Variants in AKAP7 observed in about 807,000 individuals in gnomAD.
AKAP7 encodes the protein A kinase (PRKA) anchor protein 7.
A neutral mutation model predicts 39.5 loss-of-function variants in AKAP7; 39 were observed. That is an observed-to-expected ratio of 0.99 (90% CI 0.76 to 1.29). The LOEUF (loss-of-function observed/expected upper bound fraction) is 1.29. Ranked by LOEUF, AKAP7 falls within the 50% of genes most tolerant of loss-of-function variation. The probability of loss-of-function intolerance (pLI) is 0.00; values close to 1 mark genes in which losing one functional copy is unlikely to be tolerated. For synonymous variants in AKAP7, 140 were observed against 139.1 expected (o/e 1.01, Z -0.05); for missense variants, 414 against 407.7 (o/e 1.02, Z -0.13).
At chr6:131,161,548 G>A (rs1305791817) in intron 3 of AKAP7, among the ~76,000 whole-genome samples, 1 of 150,032 alleles carries the variant, frequency 6.7e-6, no homozygotes, top group Non-Finnish European at 1.5e-5. Context: ...GGGAGGCTGA[G>A]GTGGGAGGAT....
At position 131,169,010 on chromosome 6, in the gene AKAP7, A is replaced by G. The variant is rs912408317; in HGVS notation, c.429-103A>G. 5.4e-5 allele frequency: 56 copies of G among 1,038,376 alleles called. No homozygotes were observed. The East Asian group carries it at 1.1e-3, about 21-fold the overall frequency. The allele number at this position is 1,038,376 out of a possible 1,614,324, so 64.3% of individuals were successfully genotyped here. A position where few individuals can be genotyped will look rare whatever the true frequency, so the allele number is the denominator to read the frequency against. On this transcript the variant is annotated intron_variant, in intron 4 of 7. Transcript: ENST00000431975. ...TTTGAGCCTTAAAATAATTAGTACA[A>G]ATATCAAAATTCATCTTTCTAAAAC...
intron 5 of AKAP7, among the ~76,000 whole-genome samples, chr6:131,171,155 A>G (rs1739321806): frequency 6.6e-6 from 1 of 152,156 alleles, no homozygotes; most frequent in African/African-American, 2.4e-5. Flanking sequence ...AGTACTTGGG[A>G]TAGAAAACTG....
chr6:131,232,460 AT>A (rs1810701679), intron 7 of AKAP7, among the ~76,000 whole-genome samples: 1 of 152,130 alleles, frequency 6.6e-6, no homozygotes, highest in African/African-American at 2.4e-5. Context: ...CTCTGAACAC[AT>A]TTTTCACCAC....
intron 5 of AKAP7, among the ~76,000 whole-genome samples, chr6:131,173,406 A>G (rs556391927): frequency 8.5e-5 from 13 of 152,214 alleles, no homozygotes; most frequent in African/African-American, 2.9e-4. Flanking sequence ...CTTTTTGTGC[A>G]CTTACCTCAT....
At chr6:131,190,868 C>T (rs991852162) in intron 5 of AKAP7, among the ~76,000 whole-genome samples, 2 of 151,972 alleles carry the variant, frequency 1.3e-5, no homozygotes, top group African/African-American at 2.4e-5. Context: ...ATTGGGAAGT[C>T]CTTCTTCTTC....
intron 5 of AKAP7, among the ~76,000 whole-genome samples, chr6:131,187,956 A>T (rs1209159): frequency 6.6e-6 from 1 of 151,998 alleles, no homozygotes; most frequent in Non-Finnish European, 1.5e-5. Flanking sequence ...CACTTTTACT[A>T]TCAGTGTTAA....
intron 3 of AKAP7, 70 bp from the exon 4 acceptor site, chr6:131,165,011 A>G: frequency 7.9e-7 from 1 of 1,271,762 alleles, no homozygotes; most frequent in South Asian, 1.7e-5. Context: ...TTGATTTTAC[A>G]TTTTACCATA....
At chr6:131,148,292 TCTAGA>T (rs1379115880) in intron 2 of AKAP7, among the ~76,000 whole-genome samples, 2 of 152,234 alleles carry the variant, frequency 1.3e-5, no homozygotes, top group Non-Finnish European at 2.9e-5. Flanking sequence ...TGTGGGTTAG[TCTAGA>T]CTGCAAACCA....
At chr6:131,268,154 A>G (rs73633699) in intron 7 of AKAP7, among the ~76,000 whole-genome samples, 5,322 of 152,286 alleles carry the variant, frequency 0.035, 296 homozygotes, top group African/African-American at 0.12. Context: ...CTAATTAACC[A>G]ATCATTAATT....
At chr6:131,234,204 A>G (rs1256996679) in intron 7 of AKAP7, among the ~76,000 whole-genome samples, 1 of 152,162 alleles carries the variant, frequency 6.6e-6, no homozygotes, top group African/African-American at 2.4e-5. Flanking sequence ...TTATTTGTGC[A>G]ACTTATTGAA....
chr6:131,184,452 T>C (rs1023571594), intron 5 of AKAP7: 24 of 660,706 alleles, frequency 3.6e-5, no homozygotes, highest in Non-Finnish European at 5.7e-5. Flanking sequence ...TTCGTAGCCA[T>C]GATCGCAGCA....
chr6:131,183,493 A>G (rs1452487044), intron 5 of AKAP7, among the ~76,000 whole-genome samples: 2 of 152,196 alleles, frequency 1.3e-5, no homozygotes, highest in Non-Finnish European at 2.9e-5. Context: ...TGTTAAAAAA[A>G]CAGGCACATT....
chr6:131,217,729 A>G (rs923074828), intron 6 of AKAP7, among the ~76,000 whole-genome samples: 19 of 152,258 alleles, frequency 1.2e-4, no homozygotes, highest in African/African-American at 4.6e-4. Flanking sequence ...ATTAGAGTCA[A>G]TCTCATGTTT....
chr6:131,189,575 T>C (rs566173255), intron 5 of AKAP7, among the ~76,000 whole-genome samples: 2 of 152,326 alleles, frequency 1.3e-5, no homozygotes, highest in East Asian at 3.9e-4. Flanking sequence ...ACAACTTCTT[T>C]GCATTTTAAG....
At chr6:131,141,404 G>C (rs1023554965) in intron 1 of AKAP7, among the ~76,000 whole-genome samples, 1 of 152,174 alleles carries the variant, frequency 6.6e-6, no homozygotes, top group African/African-American at 2.4e-5. Context: ...AGAAGCAGAT[G>C]CTGGTAATAT....
intron 7 of AKAP7, among the ~76,000 whole-genome samples, chr6:131,242,755 T>C (rs1267630561): frequency 1.3e-5 from 2 of 152,100 alleles, no homozygotes; most frequent in African/African-American, 4.8e-5. Context: ...AAGTGGCATG[T>C]GACCCAATTT....
chr6:131,167,870 C>T lies in AKAP7; in HGVS notation c.429-1243C>T, dbSNP rs544721339. Among the ~76,000 whole-genome samples the T allele has an allele frequency of 1.7e-4, 26 of 152,206 alleles. 1 individual carries two copies. The highest frequency in any genetic ancestry group is 1.6e-3 in the Admixed American group (25 of 15,286). On this transcript the variant is annotated intron_variant, in intron 4 of 7. Transcript: ENST00000431975. ...CAAGAAAAATGCTGATTTTTTCAAA[C>T]ACTTGGCTGAACAAATCACTGATCA...
intron 7 of AKAP7, among the ~76,000 whole-genome samples, chr6:131,241,611 GTGTGTGTGTGTGTGTGTATA>G (rs1169669806): frequency 2.4e-4 from 24 of 99,730 alleles, no homozygotes; most frequent in African/African-American, 8.1e-4. Flanking sequence ...GTGTGTGTGT[GTGTGTGTGTGTGTGTGTATA>G]TATATATGAC....
intron 1 of AKAP7, among the ~76,000 whole-genome samples, chr6:131,142,811 G>A (rs1420882155): frequency 6.6e-6 from 1 of 152,242 alleles, no homozygotes; most frequent in East Asian, 1.9e-4. Flanking sequence ...AGCAGCCACA[G>A]GGGCTTCACC....
Sources: gnomAD v4.1 joint callset for allele counts (sites outside exome capture counted in the v4.1 genomes callset) on GRCh38, gnomAD v4.1.1 for gene constraint, MANE v1.5 for transcripts, NCBI Gene and HGNC (gene_info 2026-07-23, HGNC 2026-07-21) for gene names.